CDC27: variants seen among roughly 807,000 people sequenced by gnomAD.
CDC27 encodes cell division cycle protein 27 homolog.
Under a neutral mutation model 109.7 loss-of-function variants are expected in CDC27, and 27 were observed. That is an observed-to-expected ratio of 0.25 (90% CI 0.18 to 0.34). CDC27 has a LOEUF of 0.34. CDC27 is among the 10% of genes least tolerant of loss of function. The pLI, the probability that CDC27 is intolerant of heterozygous loss-of-function variation, is 1.00. For missense variants in CDC27, 579 were observed against 960.2 expected (o/e 0.60, Z 5.25); for synonymous variants, 266 against 333.9 (o/e 0.80, Z 2.22).
rs201296720 is a variant in CDC27, at chr17:47,141,845, A to C, written c.1551+8T>G. ...AGAAAGGCATATATAACCATTTTCT[A>C]TACTTACTTGCATGTACTCTGAAAG... On this transcript the variant is annotated splice_region_variant and intron_variant, in intron 12 of 18. Coordinates refer to ENST00000066544, the MANE Select transcript of CDC27 (RefSeq NM_001256.6). The C allele has an allele frequency of 5.8e-6, 9 of 1,559,050 alleles. No homozygotes were observed. Among genetic ancestry groups the C allele is most frequent in the African/African-American group, 1.4e-5 (1 of 72,184 alleles).
intron 4 of CDC27, chr17:47,161,143 C>T (rs2148932933): frequency 6.7e-6 from 1 of 149,188 alleles, no homozygotes; most frequent in Non-Finnish European, 1.5e-5. Context: ...CCTGCCTCAG[C>T]CTCCCAAGTA....
chr17:47,164,334 CAT>C (rs1485712442), intron 4 of CDC27, among the ~76,000 whole-genome samples: 1 of 152,190 alleles, frequency 6.6e-6, no homozygotes, highest in African/African-American at 2.4e-5. Flanking sequence ...TAAAGTGACA[CAT>C]GACTGTATAA....
At position 47,122,675 on chromosome 17, in the gene CDC27, C is replaced by T. The variant is rs951233528; in HGVS notation, c.2236-75G>A. ...CTATAAAATTCTAACTATATATATA[C>T]TTATTTATTTATTTTTGAGATGGAG... is the stretch of plus-strand genomic sequence containing the variant. On this transcript the variant is annotated intron_variant, in intron 17 of 18. Transcript: ENST00000066544. 1.1e-5 allele frequency: 12 copies of T among 1,051,200 alleles called. No homozygotes were observed. The Admixed American group carries it at 2.3e-4, about 20-fold the overall frequency. The allele number at this position is 1,051,200 out of a possible 1,614,324, so 65.1% of individuals were successfully genotyped here.
intron 2 of CDC27, among the ~76,000 whole-genome samples, chr17:47,174,920 C>A (rs12948241): frequency 0.082 from 12,495 of 152,032 alleles, 595 homozygotes; most frequent in African/African-American, 0.12. Context: ...CATGCCACTG[C>A]ACTCCAGCCT....
chr17:47,120,810 C>G lies in CDC27; in HGVS notation c.*125G>C, dbSNP rs1401207166. On this transcript the variant is annotated 3_prime_UTR_variant, in exon 19 of 19. Coordinates refer to ENST00000066544, the MANE Select transcript of CDC27 (RefSeq NM_001256.6). ...CAGTCAGGGTCCAATGAAAGTGGCACACTCATGGTATAAGTGACGGACGAT... is the reference window on the plus strand; with the variant it reads ...CAGTCAGGGTCCAATGAAAGTGGCAGACTCATGGTATAAGTGACGGACGAT... The G allele has an allele frequency of 1.5e-6, 1 of 665,222 alleles. No individual in the cohort carries two copies. The highest frequency in any genetic ancestry group is 1.8e-5 in the African/African-American group (1 of 55,832). 41.2% of individuals were successfully genotyped at this position (665,222 alleles called of 1,614,324 possible). A position where few individuals can be genotyped will look rare whatever the true frequency, so the allele number is the denominator to read the frequency against.
intron 9 of CDC27, among the ~76,000 whole-genome samples, chr17:47,150,368 T>C (rs1324059423): frequency 1.3e-5 from 2 of 152,234 alleles, no homozygotes; most frequent in African/African-American, 4.8e-5. Context: ...GCTGAGGATA[T>C]CTGGGTTGAC....
chr17:47,186,497 C>G (rs1404728094), intron 1 of CDC27, among the ~76,000 whole-genome samples: 4 of 152,158 alleles, frequency 2.6e-5, no homozygotes, highest in Non-Finnish European at 5.9e-5. Flanking sequence ...AATCTCTTTG[C>G]TTCTTTTTTA....
rs573855597 is a variant in CDC27 at position 47,175,772 on chromosome 17, C to T, written c.104-3708G>A. Among the ~76,000 whole-genome samples the T allele has an allele frequency of 1.5e-4, 23 of 152,164 alleles. 1 individual carries two copies. Among genetic ancestry groups the T allele is most frequent in the Admixed American group, 8.5e-4 (13 of 15,280 alleles). ...CAGAGGTTGCAGTAAGCTGAGATCA[C>T]GCCACTGCACTCCAGCCTGGGCAAC... On this transcript the variant is annotated intron_variant, in intron 2 of 18. Transcript: ENST00000066544.
At chr17:47,159,633 C>T in intron 4 of CDC27, 2 of 458,570 alleles carry the variant, frequency 4.4e-6, no homozygotes, top group Non-Finnish European at 7.9e-6. Context: ...ATGGCAGTGG[C>T]CACCTCCTTG....
intron 14 of CDC27, among the ~76,000 whole-genome samples, chr17:47,136,160 C>A (rs571434110): frequency 9.3e-4 from 136 of 146,614 alleles, no homozygotes; most frequent in African/African-American, 1.8e-3. Context: ...AACAAACAAA[C>A]AAAAAAAAAA....
chr17:47,156,810 G>T (rs1175632043), intron 7 of CDC27, 103 bp downstream of exon 7: 2 of 462,798 alleles, frequency 4.3e-6, no homozygotes, highest in Non-Finnish European at 7.7e-6. Context: ...TTTCCACAGT[G>T]ATTTAGAAGT....
intron 2 of CDC27, 101 bp downstream of exon 2, chr17:47,181,461 C>A: frequency 1.6e-6 from 1 of 617,514 alleles, no homozygotes; most frequent in South Asian, 2.3e-5. Flanking sequence ...AGAAAAACAA[C>A]AAGATGATGA....
At chr17:47,139,998 GGAAAA>G (rs1334862567) in intron 12 of CDC27, 1 of 151,788 alleles carries the variant, frequency 6.6e-6, no homozygotes, top group Non-Finnish European at 1.5e-5. Flanking sequence ...AAAAAAGAAA[GGAAAA>G]GAAATTTTCA....
chr17:47,132,777 A>ACTATTG (rs2062390743), intron 14 of CDC27, among the ~76,000 whole-genome samples: 1 of 132,832 alleles, frequency 7.5e-6, no homozygotes, highest in African/African-American at 2.7e-5. Context: ...TATTATTATT[A>ACTATTG]TTATATTTTA....
chr17:47,155,688 T>C (rs1307998132), intron 7 of CDC27, among the ~76,000 whole-genome samples: 2 of 152,184 alleles, frequency 1.3e-5, no homozygotes, highest in African/African-American at 4.8e-5. Flanking sequence ...GTTCAGTGGC[T>C]CACGGTAATC....
rs760813902 is a variant in CDC27 at position 47,141,984 on chromosome 17, A to C, written c.1420T>G (p.Leu474Val). ...TTGCAGTTGTATGAACACAAAGCTAAATAACCTTTCCCCATTTCACGAAGA... is the reference window on the plus strand; with the variant it reads ...TTGCAGTTGTATGAACACAAAGCTACATAACCTTTCCCCATTTCACGAAGA... ...SLLREMGKGY[L>V]ALCSYNCKEA... The change falls in exon 12 of 19, where the codon TTA becomes GTA. Residue 474 changes from leucine to valine, a missense_variant. Leu to Val is a conservative substitution (Grantham distance 32). Around this residue, in one of 9 missense-constraint regions of CDC27, gnomAD observed 58 missense variants for 116.6 expected, o/e 0.50. Coordinates refer to ENST00000066544, the MANE Select transcript of CDC27 (RefSeq NM_001256.6). The C allele has an allele frequency of 3.4e-5, 55 of 1,604,020 alleles. No individual in the cohort carries two copies. The Admixed American group carries it at 3.8e-4, about 11-fold the overall frequency.
intron 9 of CDC27, among the ~76,000 whole-genome samples, chr17:47,148,253 A>G (rs2063040189): frequency 6.6e-6 from 1 of 152,092 alleles, no homozygotes; most frequent in African/African-American, 2.4e-5. Flanking sequence ...ATGAAAGACA[A>G]ATGTCTGCAA....
At chr17:47,124,873 C>G (rs1486035953) in intron 16 of CDC27, among the ~76,000 whole-genome samples, 1 of 152,018 alleles carries the variant, frequency 6.6e-6, no homozygotes, top group Non-Finnish European at 1.5e-5. Flanking sequence ...ATTTTAGGGA[C>G]CCCCAGAAAT....
chr17:47,167,390 T>C (rs2063682127), intron 4 of CDC27, among the ~76,000 whole-genome samples: 1 of 152,234 alleles, frequency 6.6e-6, no homozygotes, highest in Admixed American at 6.5e-5. Context: ...CTCCAGTGTT[T>C]GTACATCACT....
Sources: gnomAD v4.1 joint callset for allele counts (sites outside exome capture counted in the v4.1 genomes callset) on GRCh38, gnomAD v4.1.1 for gene constraint, gnomAD v4.1.1 regional missense constraint, MANE v1.5 for transcripts, NCBI Gene and HGNC (gene_info 2026-07-23, HGNC 2026-07-21) for gene names.